The following COL23A1 variants were observed in gnomAD, a reference collection of about 807,000 sequenced individuals.
The protein encoded by COL23A1 is collagen alpha-1(XXIII) chain.
In COL23A1, 97 loss-of-function variants were observed where a neutral mutation model predicts 99.3. The ratio of observed to expected loss-of-function variants is 0.98; its 90% CI spans 0.83 to 1.16. The LOEUF is 1.16. COL23A1 is among the 50% of genes most tolerant of loss of function. The probability of loss-of-function intolerance (pLI) is 0.00; values close to 1 mark genes in which losing one functional copy is unlikely to be tolerated. For synonymous variants in COL23A1, 320 were observed against 308.2 expected (o/e 1.04, Z -0.40); for missense variants, 762 against 757.4 (o/e 1.01, Z -0.07).
At chr5:178,259,640 C>T in intron 12 of COL23A1, 81 bp downstream of exon 12, 1 of 1,348,846 alleles carries the variant, frequency 7.4e-7, no homozygotes, top group Non-Finnish European at 1.0e-6. Flanking sequence ...CATCCCCATC[C>T]CCATTCCGTC....
chr5:178,505,074 T>C (rs548857610), intron 2 of COL23A1, among the ~76,000 whole-genome samples: 57 of 152,188 alleles, frequency 3.7e-4, no homozygotes, highest in African/African-American at 1.3e-3. Context: ...AAGTGCAGGA[T>C]CAAGGCATCA....
chr5:178,588,220 G>T (rs1298094615), intron 1 of COL23A1, among the ~76,000 whole-genome samples: 13 of 152,168 alleles, frequency 8.5e-5, no homozygotes, highest in Admixed American at 8.5e-4. Flanking sequence ...CGGGAGGGGG[G>T]AAGCCTGGGA....
At chr5:178,324,629 C>G (rs1188568960) in intron 2 of COL23A1, among the ~76,000 whole-genome samples, 2 of 152,204 alleles carry the variant, frequency 1.3e-5, no homozygotes, top group Admixed American at 1.3e-4. Flanking sequence ...GAGGGCGAGT[C>G]ACTGGCCCGA....
intron 2 of COL23A1, among the ~76,000 whole-genome samples, chr5:178,385,769 C>T (rs1312850208): frequency 6.6e-6 from 1 of 152,216 alleles, no homozygotes; most frequent in African/African-American, 2.4e-5. Context: ...TCCACAGAGG[C>T]CAGAGCTAAG....
At chr5:178,429,183 T>C (rs1766117442) in intron 2 of COL23A1, among the ~76,000 whole-genome samples, 1 of 152,012 alleles carries the variant, frequency 6.6e-6, no homozygotes, top group Non-Finnish European at 1.5e-5. Flanking sequence ...CATCCTGCAG[T>C]GGATGGGGCA....
chr5:178,531,974 G>A (rs1156480085), intron 2 of COL23A1, among the ~76,000 whole-genome samples: 2 of 152,236 alleles, frequency 1.3e-5, no homozygotes, highest in African/African-American at 4.8e-5. Flanking sequence ...GACATGACAG[G>A]TGACACAGCC....
chr5:178,241,206 G>A (rs1188775051), intron 27 of COL23A1, among the ~76,000 whole-genome samples: 1 of 152,154 alleles, frequency 6.6e-6, no homozygotes, highest in African/African-American at 2.4e-5. Context: ...GGGCGACAGA[G>A]TGAGACTCTG....
At chr5:178,253,240 C>A (rs1765126504) in intron 16 of COL23A1, among the ~76,000 whole-genome samples, 1 of 151,810 alleles carries the variant, frequency 6.6e-6, no homozygotes, top group Non-Finnish European at 1.5e-5. Flanking sequence ...TGCACCCTGC[C>A]CAGCCCCTGC....
chr5:178,450,070 G>A (rs1767398593), intron 2 of COL23A1, among the ~76,000 whole-genome samples: 1 of 152,158 alleles, frequency 6.6e-6, no homozygotes, highest in Non-Finnish European at 1.5e-5. Context: ...CCCCGGAGCA[G>A]GAACAAGGCT....
rs918020750 is a variant in COL23A1 at position 178,505,342 on chromosome 5, C to T, written c.361+55340G>A. Among the ~76,000 whole-genome samples, 9 of 152,188 alleles carry T rather than the reference C, an allele frequency of 5.9e-5. No individual in the cohort carries two copies. The East Asian group carries it at 1.5e-3, about 26-fold the overall frequency. On this transcript the variant is annotated intron_variant, in intron 2 of 28. Transcript: ENST00000390654. ...TCAGCTCACGGCAACCTCCACCTCCCGGGTTCAAGCGATTCTCCTGCCTCA... is the reference window on the plus strand; with the variant it reads ...TCAGCTCACGGCAACCTCCACCTCCTGGGTTCAAGCGATTCTCCTGCCTCA...
chr5:178,502,662 T>C (rs1237579646), intron 2 of COL23A1, among the ~76,000 whole-genome samples: 3 of 152,234 alleles, frequency 2.0e-5, no homozygotes, highest in Non-Finnish European at 2.9e-5. Context: ...TCTTGTTCAC[T>C]GCAAATGAAC....
chr5:178,484,843 AG>A (rs1757530436), intron 2 of COL23A1, among the ~76,000 whole-genome samples: 1 of 148,310 alleles, frequency 6.7e-6, no homozygotes, highest in Non-Finnish European at 1.5e-5. Flanking sequence ...AAAAAAAAAA[AG>A]AGCAGTGAGG....
chr5:178,432,427 G>T (rs934089236), intron 2 of COL23A1, among the ~76,000 whole-genome samples: 14 of 152,200 alleles, frequency 9.2e-5, no homozygotes, highest in Non-Finnish European at 1.9e-4. Context: ...GAGGTTGTGG[G>T]GACCCTGGCA....
rs141599012 is a variant in COL23A1, at chr5:178,258,726, G to A, written c.729+995C>T. Among the ~76,000 whole-genome samples the A allele has an allele frequency of 1.1e-3, 170 of 151,040 alleles. 2 individuals are homozygous for A. The East Asian group carries it at 0.025, about 22-fold the overall frequency. ...TTTTTGGTTTTTGAGACAAGGTCTC[G>A]CGCTGTTATCCAGGCTGGAGTGCAG... is the stretch of plus-strand genomic sequence containing the variant. On this transcript the variant is annotated intron_variant, in intron 12 of 28. Transcript: ENST00000390654.
chr5:178,261,098 A>G (rs1177005735), intron 11 of COL23A1, among the ~76,000 whole-genome samples: 1 of 152,126 alleles, frequency 6.6e-6, no homozygotes, highest in Non-Finnish European at 1.5e-5. Flanking sequence ...TTTGTTGTGA[A>G]ACAAAAACTG....
intron 2 of COL23A1, among the ~76,000 whole-genome samples, chr5:178,511,509 A>G (rs530716436): frequency 3.9e-4 from 59 of 152,374 alleles, no homozygotes; most frequent in African/African-American, 1.3e-3. Flanking sequence ...AAAAGAAGGA[A>G]AAACCTTTCA....
At chr5:178,383,484 C>A (rs534737522) in intron 2 of COL23A1, among the ~76,000 whole-genome samples, 62 of 152,356 alleles carry the variant, frequency 4.1e-4, no homozygotes, top group South Asian at 3.1e-3. Context: ...GAAGTTAGCT[C>A]TAAGGTCTCT....
chr5:178,268,819 G>C, intron 6 of COL23A1, 63 bp from the exon 7 acceptor site: 1 of 1,551,722 alleles, frequency 6.4e-7, no homozygotes, highest in Middle Eastern at 1.7e-4. Context: ...CTCCCCTTCT[G>C]GCTTCCCTAT....
rs1186935699 is a variant in COL23A1 at position 178,426,515 on chromosome 5, T to C, written c.362-119596A>G. ...CCAGCTTCCACCTGCGATCGCGCTC[T>C]GTGCTGCCATCCGGGCGCAGATCCT... On this transcript the variant is annotated intron_variant, in intron 2 of 28. Coordinates refer to ENST00000390654, the MANE Select transcript of COL23A1 (RefSeq NM_173465.4). 3.9e-5 allele frequency among the ~76,000 whole-genome samples: 6 copies of C among 152,360 alleles called. No homozygotes were observed. In the South Asian group the frequency reaches 1.2e-3, roughly 32 times the overall value.
Sources: allele counts gnomAD v4.1 joint callset (sites outside exome capture counted in the v4.1 genomes callset), GRCh38; gene constraint gnomAD v4.1.1; transcripts MANE v1.5; gene names NCBI Gene and HGNC (gene_info 2026-07-23, HGNC 2026-07-21).